The following TRIT1 variants were observed in gnomAD, a reference collection of about 807,000 sequenced individuals.
TRIT1 encodes tRNA isopentenyltransferase 1, also known as tRNA dimethylallyltransferase.
In TRIT1, 43 loss-of-function variants were observed where a neutral mutation model predicts 51.2. The observed-to-expected ratio is 0.84, with a 90% confidence interval of 0.66 to 1.08. The LOEUF is 1.08. TRIT1 is among the 50% of genes least tolerant of loss of function. TRIT1 has a pLI of 0.00. For synonymous variants in TRIT1, 184 were observed against 203.9 expected, an observed-to-expected ratio of 0.90 and a Z score of 0.83; for missense variants, 528 against 578.4, an observed-to-expected ratio of 0.91 and a Z score of 0.89.
intron 1 of TRIT1, among the ~76,000 whole-genome samples, chr1:39,857,742 T>A (rs1642982820): frequency 6.6e-6 from 1 of 152,214 alleles, no homozygotes; most frequent in Non-Finnish European, 1.5e-5. Flanking sequence ...ATTGGGCAGG[T>A]TGTTTTACTT....
At chr1:39,862,024 C>T (rs1643281502) in intron 1 of TRIT1, among the ~76,000 whole-genome samples, 1 of 151,672 alleles carries the variant, frequency 6.6e-6, no homozygotes, top group South Asian at 2.1e-4. Flanking sequence ...GTTAAATAAG[C>T]CAATCACAAA....
rs142937929 is a variant in TRIT1 at position 39,841,031 on chromosome 1, T to G, written c.*713A>C. On this transcript the variant is annotated 3_prime_UTR_variant, in exon 11 of 11. Coordinates refer to ENST00000316891, the MANE Select transcript of TRIT1 (RefSeq NM_017646.6). ...TAAACTAGGCATGGACTTGTATATC[T>G]TTTTAAGGATCAAAGAGGCTCTTGT... 26 of 152,374 alleles carry G rather than the reference T, an allele frequency of 1.7e-4. No homozygotes were observed. The highest frequency in any genetic ancestry group is 6.0e-4 in the African/African-American group (25 of 41,596). The allele number at this position is 152,374 out of a possible 1,614,324, so 9.4% of individuals were successfully genotyped here.
intron 1 of TRIT1, among the ~76,000 whole-genome samples, chr1:39,863,909 TC>T (rs1171574248): frequency 6.6e-6 from 1 of 152,126 alleles, no homozygotes; most frequent in Non-Finnish European, 1.5e-5. Flanking sequence ...GTGATTTTGT[TC>T]ACTGGGAGAC....
intron 1 of TRIT1, among the ~76,000 whole-genome samples, chr1:39,875,686 C>A (rs1292485699): frequency 1.3e-5 from 2 of 152,040 alleles, no homozygotes; most frequent in Non-Finnish European, 2.9e-5. Context: ...CTTAACTTTG[C>A]CCATACTGTT....
intron 1 of TRIT1, among the ~76,000 whole-genome samples, chr1:39,866,329 C>G (rs375446438): frequency 6.6e-6 from 1 of 152,114 alleles, no homozygotes; most frequent in Non-Finnish European, 1.5e-5. Flanking sequence ...CCTGTCACCA[C>G]GCCCAGCTAA....
chr1:39,858,427 T>A (rs2124625514), intron 1 of TRIT1, among the ~76,000 whole-genome samples: 1 of 152,332 alleles, frequency 6.6e-6, no homozygotes. Context: ...CCTCAATCTC[T>A]CATCAGTAAA....
At chr1:39,870,611 T>C (rs1643844476) in intron 1 of TRIT1, among the ~76,000 whole-genome samples, 1 of 127,306 alleles carries the variant, frequency 7.9e-6, no homozygotes, top group Non-Finnish European at 1.7e-5. Context: ...ACTGCGGAAA[T>C]TAAAAGAAAA....
intron 4 of TRIT1, among the ~76,000 whole-genome samples, chr1:39,851,848 C>T (rs1213351765): frequency 1.3e-5 from 2 of 150,816 alleles, no homozygotes; most frequent in African/African-American, 2.4e-5. Flanking sequence ...CTCAGGAGGC[C>T]GAGGCAGGAG....
intron 2 of TRIT1, among the ~76,000 whole-genome samples, chr1:39,854,903 G>A (rs999384690): frequency 2.6e-5 from 4 of 151,728 alleles, no homozygotes; most frequent in South Asian, 2.1e-4. Context: ...GTGTAGTGGC[G>A]CGAAAACAGT....
chr1:39,850,295 C>T, intron 4 of TRIT1, 34 bp from the exon 5 acceptor site: 1 of 1,607,496 alleles, frequency 6.2e-7, no homozygotes, highest in South Asian at 1.1e-5. Flanking sequence ...AGGGGGCACA[C>T]CCATAAAAAC....
At chr1:39,859,260 CAAAAAAAAAAAAAAAAAAA>C (rs3033562) in intron 1 of TRIT1, among the ~76,000 whole-genome samples, 13 of 19,034 alleles carry the variant, frequency 6.8e-4, no homozygotes, top group East Asian at 1.8e-3. Context: ...GACTCCGTCT[CAAAAAAAAAAAAAAAAAAA>C]AAAAAAAAAA....
chr1:39,878,669 C>A (rs1369819058), intron 1 of TRIT1, among the ~76,000 whole-genome samples: 3 of 152,180 alleles, frequency 2.0e-5, no homozygotes. Flanking sequence ...TATTTGGTCA[C>A]CCTTTGGTGT....
At chr1:39,867,175 C>T (rs7546265) in intron 1 of TRIT1, among the ~76,000 whole-genome samples, 9,788 of 152,058 alleles carry the variant, frequency 0.064, 772 homozygotes, top group East Asian at 0.18. Context: ...GATGGAGTTT[C>T]GCTCTTGTTG....
Position 39,852,741 on chromosome 1 carries a change from T to G in TRIT1, c.550A>C (p.Lys184Gln), listed in dbSNP as rs772491805. ...AAKLHPHDKR[K>Q]VARSLQVFEE... ...GCCAGGCTTTCTTACCTGGCCACTT[T>G]GCGTTTGTCATGTGGATGCAGCTTG... The change falls in exon 4 of 11, where the codon AAA becomes CAA. Residue 184 changes from lysine to glutamine, a missense_variant. Transcript: ENST00000316891. 1 of 1,613,750 alleles carries G rather than the reference T, an allele frequency of 6.2e-7. No individual in the cohort carries two copies. The highest frequency in any genetic ancestry group is 1.3e-5 in the African/African-American group (1 of 74,914).
chr1:39,870,070 G>A (rs576852176), intron 1 of TRIT1, among the ~76,000 whole-genome samples: 4 of 152,232 alleles, frequency 2.6e-5, no homozygotes, highest in African/African-American at 9.7e-5. Context: ...CAAGTGGAAG[G>A]GGGGAAAGTG....
chr1:39,853,811 T>G (rs908196917), intron 3 of TRIT1, 159 bp downstream of exon 3: 4 of 595,420 alleles, frequency 6.7e-6, no homozygotes, highest in Non-Finnish European at 1.2e-5. Context: ...AGGAACACAC[T>G]TCACACATGG....
intron 1 of TRIT1, among the ~76,000 whole-genome samples, chr1:39,880,755 C>T (rs1644233427): frequency 2.0e-5 from 3 of 151,094 alleles, no homozygotes; most frequent in South Asian, 2.1e-4. Flanking sequence ...GCAGAGATTG[C>T]GCCACTGCAC....
chr1:39,843,009 T>C (rs1052914601), intron 10 of TRIT1, among the ~76,000 whole-genome samples: 2 of 152,164 alleles, frequency 1.3e-5, no homozygotes, highest in African/African-American at 4.8e-5. Context: ...AGGCTATCCC[T>C]GAAGAACATT....
chr1:39,870,532 AAAAG>A (rs1643837832), intron 1 of TRIT1, among the ~76,000 whole-genome samples: 1 of 151,076 alleles, frequency 6.6e-6, no homozygotes, highest in African/African-American at 2.4e-5. Context: ...AAAAAAAAAA[AAAAG>A]AAGCTCAACA....
Sources: allele counts gnomAD v4.1 joint callset (sites outside exome capture counted in the v4.1 genomes callset), GRCh38; gene constraint gnomAD v4.1.1; transcripts MANE v1.5; gene names NCBI Gene and HGNC (gene_info 2026-07-23, HGNC 2026-07-21).